REXO5: variants seen among roughly 807,000 people sequenced by gnomAD.
REXO5 encodes RNA exonuclease 5.
Under a neutral mutation model 88.5 loss-of-function variants are expected in REXO5, and 48 were observed. That is an observed-to-expected ratio of 0.54 (90% confidence interval 0.43 to 0.69). The LOEUF (loss-of-function observed/expected upper bound fraction) is 0.69. REXO5 is among the 30% of genes least tolerant of loss of function. The pLI is 0.00. For missense variants in REXO5, 749 were observed against 912.2 expected (o/e 0.82, Z 2.30); for synonymous variants, 311 against 336.5 (o/e 0.92, Z 0.83).
chr16:20,809,504 T>C (rs1013356040), intron 2 of REXO5, among the ~76,000 whole-genome samples: 1 of 152,260 alleles, frequency 6.6e-6, no homozygotes, highest in African/African-American at 2.4e-5. Context: ...TGAATAATCC[T>C]GGGCCAATTA....
chr16:20,829,376 A>G (rs1344914927), intron 11 of REXO5, among the ~76,000 whole-genome samples: 1 of 152,226 alleles, frequency 6.6e-6, no homozygotes, highest in Non-Finnish European at 1.5e-5. Context: ...TTGTTTCAAC[A>G]GCAGTTCAGT....
chr16:20,835,302 T>C (rs377652562), intron 13 of REXO5, among the ~76,000 whole-genome samples: 1 of 152,144 alleles, frequency 6.6e-6, no homozygotes, highest in East Asian at 1.9e-4. Context: ...CCTTTTGAAT[T>C]CTTGCTTTTA....
intron 15 of REXO5, among the ~76,000 whole-genome samples, chr16:20,841,415 G>A (rs1259060855): frequency 6.6e-6 from 1 of 152,014 alleles, no homozygotes; most frequent in Non-Finnish European, 1.5e-5. Flanking sequence ...GCCTCTAGGG[G>A]GAAGAATTAG....
At chr16:20,807,744 A>C (rs2080918799) in intron 2 of REXO5, among the ~76,000 whole-genome samples, 1 of 151,114 alleles carries the variant, frequency 6.6e-6, no homozygotes, top group Non-Finnish European at 1.5e-5. Context: ...CTCTTAAAAA[A>C]AAAAAACAAA....
At chr16:20,846,411 T>C (rs947139539) in intron 19 of REXO5, 72 bp downstream of exon 19, 1 of 1,130,422 alleles carries the variant, frequency 8.8e-7, no homozygotes, top group African/African-American at 1.5e-5. Flanking sequence ...GAAAAAGCCT[T>C]TTGCTGATAT....
intron 11 of REXO5, among the ~76,000 whole-genome samples, chr16:20,829,003 C>T (rs898701192): frequency 3.6e-4 from 54 of 151,206 alleles, no homozygotes; most frequent in African/African-American, 1.2e-3. Flanking sequence ...AAGAAAATGG[C>T]AGTGTGATTG....
intron 7 of REXO5, chr16:20,825,593 A>C (rs2081248590): frequency 2.2e-6 from 1 of 445,732 alleles, no homozygotes; most frequent in Non-Finnish European, 4.0e-6. Flanking sequence ...TACAATTATT[A>C]ATATTATTTG....
chr16:20,817,184 C>T (rs1224061315), intron 5 of REXO5, among the ~76,000 whole-genome samples: 1 of 152,164 alleles, frequency 6.6e-6, no homozygotes, highest in Non-Finnish European at 1.5e-5. Context: ...TTTCTTATCT[C>T]CTCTAGAAAT....
At chr16:20,844,095 A>G (rs903185701) in intron 16 of REXO5, 69 bp downstream of exon 16, 21 of 898,982 alleles carry the variant, frequency 2.3e-5, no homozygotes, top group Non-Finnish European at 3.6e-5. Flanking sequence ...ATAGTGCCCC[A>G]GGACATATAG....
In REXO5 at chr16:20,825,702, G is replaced by A; in HGVS notation, c.706-131G>A. 9 of 635,938 alleles carry A rather than the reference G, an allele frequency of 1.4e-5. 1 individual carries two copies. The South Asian group carries it at 1.9e-4, about 13-fold the overall frequency. The allele number at this position is 635,938 out of a possible 1,614,324, so 39.4% of individuals were successfully genotyped here. A position where few individuals can be genotyped will look rare whatever the true frequency, so the allele number is the denominator to read the frequency against. On this transcript the variant is annotated intron_variant, in intron 7 of 19. Transcript: ENST00000261377. ...AATTTCACTCACACTAGATCCTCTA[G>A]AAAGCAAGTTTGTGCCATTGCTGCA...
Position 20,827,368 on chromosome 16 carries a change from G to C in REXO5, c.976G>C (p.Val326Leu), listed in dbSNP as rs2081275464. 1 of 1,612,716 alleles carries C rather than the reference G, an allele frequency of 6.2e-7. No individual in the cohort carries two copies. Among genetic ancestry groups the C allele is most frequent in the South Asian group, 1.1e-5 (1 of 90,978 alleles). Residue 326 changes from valine (V) to leucine (L), a missense_variant, in exon 10 of 20, where the codon GTT (valine) becomes CTT (leucine). Transcript: ENST00000261377. Reference protein sequence around the residue: ...LRALKMIHPYVIDTSLLYVRE... With the variant: ...LRALKMIHPYLIDTSLLYVRE... The stretch of plus-strand genomic sequence containing the variant: ...TCTTCCTCAGATGATACATCCATAT[G>C]TTATTGATACATCGTTGCTTTATGT...
intron 5 of REXO5, among the ~76,000 whole-genome samples, chr16:20,816,757 G>A (rs528474372): frequency 5.1e-4 from 78 of 152,246 alleles, no homozygotes; most frequent in African/African-American, 1.9e-3. Flanking sequence ...AAGGATACCT[G>A]GGTATCACTG....
intron 13 of REXO5, among the ~76,000 whole-genome samples, chr16:20,835,814 G>A (rs542831118): frequency 1.1e-4 from 16 of 152,116 alleles, no homozygotes; most frequent in Non-Finnish European, 1.8e-4. Context: ...TTGGGAGGCT[G>A]AGGTAGGTGG....
intron 2 of REXO5, among the ~76,000 whole-genome samples, chr16:20,810,060 T>C (rs1283406728): frequency 1.3e-5 from 2 of 152,228 alleles, no homozygotes; most frequent in Non-Finnish European, 2.9e-5. Context: ...TTTGAGCATG[T>C]CATTACTTTC....
chr16:20,847,287 C>A (rs947295813), intron 19 of REXO5, among the ~76,000 whole-genome samples: 2 of 150,538 alleles, frequency 1.3e-5, no homozygotes, highest in Non-Finnish European at 3.0e-5. Flanking sequence ...AAAAAAAAAC[C>A]CAGCCAGGTT....
intron 5 of REXO5, among the ~76,000 whole-genome samples, chr16:20,817,253 CTCT>C (rs1448150403): frequency 6.6e-6 from 1 of 152,140 alleles, no homozygotes; most frequent in Non-Finnish European, 1.5e-5. Flanking sequence ...TTCTGTTGTT[CTCT>C]TCTTCTCATG....
At chr16:20,833,741 A>G (rs1374012218) in intron 13 of REXO5, among the ~76,000 whole-genome samples, 1 of 152,142 alleles carries the variant, frequency 6.6e-6, no homozygotes, top group Non-Finnish European at 1.5e-5. Context: ...TTCCTGAACC[A>G]TTTGAGAGTA....
At chr16:20,812,520 G>A (rs897110590) in intron 2 of REXO5, among the ~76,000 whole-genome samples, 2 of 152,058 alleles carry the variant, frequency 1.3e-5, no homozygotes, top group Admixed American at 6.6e-5. Context: ...GTGAGACTCT[G>A]TCTCAGAAAA....
At chr16:20,823,033 A>T (rs768451640) in intron 6 of REXO5, among the ~76,000 whole-genome samples, 17 of 152,224 alleles carry the variant, frequency 1.1e-4, no homozygotes, top group Non-Finnish European at 2.1e-4. Context: ...GTTCCTGCAC[A>T]TTCTTGCCAA....
Sources: allele counts gnomAD v4.1 joint callset (sites outside exome capture counted in the v4.1 genomes callset), GRCh38; gene constraint gnomAD v4.1.1; transcripts MANE v1.5; gene names NCBI Gene and HGNC (gene_info 2026-07-23, HGNC 2026-07-21).